The following HSPG2 variants were observed in gnomAD, a reference collection of about 807,000 sequenced individuals.
The protein encoded by HSPG2 is heparan sulfate proteoglycan 2, also known as basement membrane-specific heparan sulfate proteoglycan core protein.
In HSPG2, 278 loss-of-function variants were observed where a neutral mutation model predicts 526.6. The ratio of observed to expected loss-of-function variants is 0.53; its 90% confidence interval spans 0.48 to 0.58. The LOEUF is 0.58. Among genes scored for constraint, HSPG2 ranks in the 20% least tolerant of loss-of-function variants. The pLI is 0.00. For missense variants in HSPG2, 5,354 were observed against 6,099.5 expected, an observed-to-expected ratio of 0.88 and a Z score of 4.07; for synonymous variants, 2,465 against 2,555.4, an observed-to-expected ratio of 0.96 and a Z score of 1.07.
chr1:21,902,623 G>A (rs959748275), intron 1 of HSPG2, among the ~76,000 whole-genome samples: 12 of 152,192 alleles, frequency 7.9e-5, no homozygotes, highest in African/African-American at 2.7e-4. Context: ...TAGCTCAGAG[G>A]CACAGCTGCC....
At chr1:21,833,024 C>T in intron 80 of HSPG2, 1 of 587,966 alleles carries the variant, frequency 1.7e-6, no homozygotes, top group Non-Finnish European at 3.1e-6. Context: ...GGGGGTGATG[C>T]CCCGGTGGCA....
chr1:21,886,592 C>T (rs1641912961), intron 9 of HSPG2, among the ~76,000 whole-genome samples: 3 of 152,156 alleles, frequency 2.0e-5, no homozygotes, highest in Admixed American at 1.3e-4. Context: ...TCCAGCCTCC[C>T]CCTCCTATTT....
chr1:21,907,162 C>T (rs575880023), intron 1 of HSPG2, among the ~76,000 whole-genome samples: 1 of 152,302 alleles, frequency 6.6e-6, no homozygotes, highest in African/African-American at 2.4e-5. Context: ...AGCACCCAGT[C>T]ATTCCTGGTC....
Position 21,865,188 on chromosome 1 carries a change from T to C in HSPG2, c.4395+97A>G, listed in dbSNP as rs896719097. On this transcript the variant is annotated intron_variant, in intron 35 of 96. Coordinates refer to ENST00000374695, the MANE Select transcript of HSPG2 (RefSeq NM_005529.7). This position sits in a 1 kb window ranked among gnomAD's most constrained non-coding sequence, Gnocchi z 5.4. ...CTGACTGAGGGCTGCCAGGTGAAGG[T>C]TGGGGAGCGAGAGACAGGGTGGGTA... 23 of 1,517,936 alleles carry C rather than the reference T, an allele frequency of 1.5e-5. No homozygotes were observed. Among genetic ancestry groups the C allele is most frequent in the African/African-American group, 2.7e-5 (2 of 72,930 alleles). The allele number at this position is 1,517,936 out of a possible 1,614,324, so 94.0% of individuals were successfully genotyped here. A position where few individuals can be genotyped will look rare whatever the true frequency, so the allele number is the denominator to read the frequency against.
In HSPG2 at chr1:21,858,768, T is replaced by G. The variant is rs566870625; in HGVS notation, c.5293+798A>C. Among the ~76,000 whole-genome samples, 3 of 152,308 alleles carry G rather than the reference T, an allele frequency of 2.0e-5. No homozygotes were observed. The highest frequency in any genetic ancestry group is 7.2e-5 in the African/African-American group (3 of 41,568). On this transcript the variant is annotated intron_variant, in intron 42 of 96. Coordinates refer to ENST00000374695, the MANE Select transcript of HSPG2 (RefSeq NM_005529.7). The surrounding 1 kb of genome is among the most constrained non-coding windows in gnomAD (Gnocchi z 4.2). ...CACTGGAGCCCACAGTGCACACCCA[T>G]GGGTGGGACAGATGTGCAGGGGACT... is the stretch of plus-strand genomic sequence containing the variant.
rs1209470937 is a variant in HSPG2, at chr1:21,873,072, C to A, written c.3813G>T (p.Gly1271=). 1.2e-6 allele frequency: 2 copies of A among 1,601,780 alleles called. No individual in the cohort carries two copies. Among genetic ancestry groups the A allele is most frequent in the South Asian group, 2.2e-5 (2 of 91,080 alleles). Residue 1271 remains glycine, a synonymous_variant, in exon 31 of 97, where the codon GGG becomes GGT. Coordinates refer to ENST00000374695, the MANE Select transcript of HSPG2 (RefSeq NM_005529.7). The stretch of plus-strand genomic sequence containing the variant: ...GGGGGTCACAGTTGCAGCCTATGGG[C>A]CCTGGCACCTGGCTGTCTCCTGAGG... ...QPCQRDSQVP[G]PIGCNCDPQG...
At position 21,862,043 on chromosome 1, in the gene HSPG2, C is replaced by T. The variant is rs370427626; in HGVS notation, c.4813G>A (p.Gly1605Arg). The T allele has an allele frequency of 1.3e-4, 203 of 1,614,030 alleles. No individual in the cohort carries two copies. Among genetic ancestry groups the T allele is most frequent in the Non-Finnish European group, 1.6e-4 (189 of 1,180,034 alleles). ...APGYYGDATA[G>R]TPEDCQPCAC... ...CAGGGCTGGCAGTCCTCAGGCGTCCCGGCTGTGGCATCTCCGTAGTAGCCA... is the reference window on the plus strand; with the variant it reads ...CAGGGCTGGCAGTCCTCAGGCGTCCTGGCTGTGGCATCTCCGTAGTAGCCA... Residue 1605 changes from glycine to arginine, a missense_variant, in exon 38 of 97, where the codon GGG becomes AGG. Gly to Arg is a moderately radical substitution (Grantham distance 125). Coordinates refer to ENST00000374695, the MANE Select transcript of HSPG2 (RefSeq NM_005529.7).
rs1317669197 is a variant in HSPG2 at position 21,864,192 on chromosome 1, G to A, written c.4648C>T (p.Arg1550Cys). ...CCGAGGTAGAGCCCACTCCCGGTGC[G>A]CGTGTAGCCGGGGGCACAGTCCTAG... is the stretch of plus-strand genomic sequence containing the variant. The part of the protein sequence containing the change: ...SCQDCAPGYT[R>C]TGSGLYLGHC... The change falls in exon 37 of 97, where the codon CGC becomes TGC. Residue 1550 changes from arginine (R) to cysteine (C), a missense_variant. Arg to Cys is a radical substitution (Grantham distance 180, BLOSUM62 -3). Transcript: ENST00000374695. This position sits in a 1 kb window ranked among gnomAD's most constrained non-coding sequence, Gnocchi z 4.8. 3 of 1,552,672 alleles carry A rather than the reference G, an allele frequency of 1.9e-6. No homozygotes were observed. The highest frequency in any genetic ancestry group is 1.7e-6 in the Non-Finnish European group (2 of 1,147,984).
chr1:21,831,440 C>G, intron 83 of HSPG2, 23 bp downstream of exon 83: 1 of 1,612,032 alleles, frequency 6.2e-7, no homozygotes, highest in African/African-American at 1.3e-5. Context: ...CCAGCCTCAG[C>G]TGGAGGTGGG....
At chr1:21,900,746 G>A (rs141290452) in intron 1 of HSPG2, among the ~76,000 whole-genome samples, 7 of 152,232 alleles carry the variant, frequency 4.6e-5, no homozygotes, top group East Asian at 1.9e-4. Context: ...TTAGCCCAGC[G>A]CGGTGGTGCA....
chr1:21,875,227 C>T (rs1448332181), intron 25 of HSPG2: 7 of 614,878 alleles, frequency 1.1e-5, no homozygotes, highest in African/African-American at 1.1e-4. Flanking sequence ...TATACCACCT[C>T]GTTCCCCTGG....
Position 21,831,541 on chromosome 1 carries a change from G to A in HSPG2, c.11374C>T (p.Leu3792=). 6.2e-7 allele frequency: 1 copy of A among 1,614,146 alleles called. No homozygotes were observed. Among genetic ancestry groups the A allele is most frequent in the Non-Finnish European group, 8.5e-7 (1 of 1,179,994 alleles). ...CCACCCAGGTAGAGTTCCTCGTTCA[G>A]ATCCAGGCCCTGGAACTTGCCCTGG... is the stretch of plus-strand genomic sequence containing the variant. ...TSQGKFQGLD[L]NEELYLGGYP... The change falls in exon 83 of 97, where the codon CTG becomes TTG. Residue 3792 remains leucine, a synonymous_variant. Transcript: ENST00000374695.
In HSPG2 at chr1:21,908,303, A is replaced by G. The variant is rs555939237; in HGVS notation, c.64-11993T>C. 23 of 994,094 alleles carry G rather than the reference A, an allele frequency of 2.3e-5. No homozygotes were observed. In the East Asian group the frequency reaches 5.2e-4, roughly 23 times the overall value. 61.6% of individuals were successfully genotyped at this position (994,094 alleles called of 1,614,324 possible). On this transcript the variant is annotated intron_variant, in intron 1 of 96. Coordinates refer to ENST00000374695, the MANE Select transcript of HSPG2 (RefSeq NM_005529.7). ...ACTGGAAGAGTCTACAATGTTATCC[A>G]GTATGCTGCTAGCATTGTTGTAAAC...
At chr1:21,870,551 CTAGA>C (rs1640567186) in intron 33 of HSPG2, among the ~76,000 whole-genome samples, 1 of 152,202 alleles carries the variant, frequency 6.6e-6, no homozygotes. Context: ...ACCCGGGGGG[CTAGA>C]TACAGTCATG....
chr1:21,861,226 C>G (rs1352547046), intron 39 of HSPG2, among the ~76,000 whole-genome samples: 1 of 152,196 alleles, frequency 6.6e-6, no homozygotes, highest in Non-Finnish European at 1.5e-5. Flanking sequence ...TACACAGGAG[C>G]TGCTTGATAA....
At chr1:21,925,018 A>T (rs1023256562) in intron 1 of HSPG2, among the ~76,000 whole-genome samples, 2 of 152,154 alleles carry the variant, frequency 1.3e-5, no homozygotes, top group African/African-American at 4.8e-5. Context: ...CTCTCCAACA[A>T]GATCCAAGGC....
intron 33 of HSPG2, chr1:21,870,872 C>G (rs544570827): frequency 1.4e-5 from 14 of 986,258 alleles, no homozygotes; most frequent in Middle Eastern, 5.2e-4. Flanking sequence ...TACGCCTCCC[C>G]CTGTGGGGCG....
At position 21,829,083 on chromosome 1, in the gene HSPG2, G is replaced by A; in HGVS notation, c.11993-4C>T. ...GCGCTCCGCAGAACGGCCAGCCCTG[G>A]GGAGGATGCCAGGCAGGGTTGGGCA... On this transcript the variant is annotated splice_polypyrimidine_tract_variant and splice_region_variant and intron_variant, in intron 87 of 96. Coordinates refer to ENST00000374695, the MANE Select transcript of HSPG2 (RefSeq NM_005529.7). The A allele has an allele frequency of 6.5e-7, 1 of 1,536,080 alleles. No individual in the cohort carries two copies. Among genetic ancestry groups the A allele is most frequent in the African/African-American group, 1.4e-5 (1 of 73,020 alleles).
At chr1:21,825,697 G>A (rs2097970860) in intron 91 of HSPG2, among the ~76,000 whole-genome samples, 1 of 152,194 alleles carries the variant, frequency 6.6e-6, no homozygotes, top group South Asian at 2.1e-4. Flanking sequence ...GCTGTGCGGG[G>A]AGCGTCCCAT....
Sources: gnomAD v4.1 joint callset for allele counts (sites outside exome capture counted in the v4.1 genomes callset) on GRCh38, gnomAD v4.1.1 for gene constraint, Gnocchi (gnomAD v3.1) non-coding constraint, MANE v1.5 for transcripts, NCBI Gene and HGNC (gene_info 2026-07-23, HGNC 2026-07-21) for gene names.